Variants in CAPN8 observed in about 807,000 individuals in gnomAD.
CAPN8 encodes the protein calpain-8.
CAPN8 carries 87 observed loss-of-function variants against 80.9 expected under a neutral mutation model. The observed-to-expected ratio is 1.07, with a 90% confidence interval of 0.90 to 1.28. The LOEUF (loss-of-function observed/expected upper bound fraction) is 1.28. Ranked by LOEUF, CAPN8 falls within the 50% of genes most tolerant of loss-of-function variation. CAPN8 has a pLI of 0.00. For synonymous variants in CAPN8, 299 were observed against 273.8 expected (o/e 1.09, Z -0.91); for missense variants, 757 against 702.0 (o/e 1.08, Z -0.89).
intron 4 of CAPN8, among the ~76,000 whole-genome samples, chr1:223,627,545 A>G (rs753196268): frequency 6.6e-6 from 1 of 152,246 alleles, no homozygotes; most frequent in Non-Finnish European, 1.5e-5. Flanking sequence ...GGGGTTGCAG[A>G]AAAGGGTATC....
rs144533349 is a variant in CAPN8 at position 223,637,586 on chromosome 1, G to A, written c.308-8806C>T. Among the ~76,000 whole-genome samples, 11 of 152,214 alleles carry A rather than the reference G, an allele frequency of 7.2e-5. No homozygotes were observed. In the East Asian group the frequency reaches 1.9e-3, roughly 27 times the overall value. ...GTTCCCGTCCTCTTAGAATCACTTA[G>A]TAAATCTCCCCCATCTTGCACCAGC... is the stretch of plus-strand genomic sequence containing the variant. On this transcript the variant is annotated intron_variant, in intron 2 of 20. Coordinates refer to ENST00000366872, the MANE Select transcript of CAPN8 (RefSeq NM_001143962.2).
chr1:223,542,966 GC>G (rs1404191115), intron 20 of CAPN8, 141 bp downstream of exon 20: 30 of 800,538 alleles, frequency 3.7e-5, no homozygotes, highest in Non-Finnish European at 5.7e-5. Flanking sequence ...CTTCCTCCCT[GC>G]TGGGTGCCTG....
intron 14 of CAPN8, among the ~76,000 whole-genome samples, chr1:223,552,004 C>T (rs1221930491): frequency 1.3e-5 from 2 of 152,234 alleles, no homozygotes; most frequent in Non-Finnish European, 1.5e-5. Context: ...CATCCCTTAA[C>T]TCTCAGATGG....
At chr1:223,623,766 T>C (rs900094492) in intron 6 of CAPN8, among the ~76,000 whole-genome samples, 14 of 151,970 alleles carry the variant, frequency 9.2e-5, no homozygotes, top group African/African-American at 3.4e-4. Flanking sequence ...GAGGCCGAGG[T>C]GGGCAGATCA....
chr1:223,643,864 TG>T (rs1171132805), intron 2 of CAPN8, among the ~76,000 whole-genome samples: 8 of 152,160 alleles, frequency 5.3e-5, no homozygotes, highest in Non-Finnish European at 8.8e-5. Flanking sequence ...CGTCCTAACC[TG>T]CTTGCCGATC....
intron 2 of CAPN8, among the ~76,000 whole-genome samples, chr1:223,637,447 T>C (rs771991471): frequency 5.3e-5 from 8 of 152,250 alleles, no homozygotes; most frequent in Admixed American, 3.9e-4. Context: ...CTGATTCCCA[T>C]CACCATCCAG....
chr1:223,622,545 A>G (rs950830503), intron 7 of CAPN8: 14 of 507,834 alleles, frequency 2.8e-5, no homozygotes, highest in African/African-American at 2.5e-4. Flanking sequence ...AAAACACAAA[A>G]ACCTTTCAGC....
chr1:223,541,729 C>T lies in CAPN8; in HGVS notation c.*107G>A. The T allele has an allele frequency of 6.6e-7, 1 of 1,518,258 alleles. No individual in the cohort carries two copies. The allele number at this position is 1,518,258 out of a possible 1,614,324, so 94.0% of individuals were successfully genotyped here. A position where few individuals can be genotyped will look rare whatever the true frequency, so the allele number is the denominator to read the frequency against. On this transcript the variant is annotated 3_prime_UTR_variant, in exon 21 of 21. Transcript: ENST00000366872. ...AGACCCAGGGCAAGAAAGGTATGAA[C>T]AACCAGTGAATGCCACTGGAGCATA...
Position 223,665,539 on chromosome 1 carries a change from C to T in CAPN8, c.108G>A (p.Arg36=), listed in dbSNP as rs1345388845. The part of the protein sequence containing the change: ...KYLGQDFKTL[R]QQCLDSGVLF... ...GGACCCCTGAGTCCAAGCACTGTTG[C>T]CTCAGGGTCTTGAAATCCTGGCCCA... The change falls in exon 1 of 21, where the codon AGG becomes AGA. Residue 36 remains arginine (R), a synonymous_variant. Transcript: ENST00000366872. 2 of 1,551,592 alleles carry T rather than the reference C, an allele frequency of 1.3e-6. No homozygotes were observed. The highest frequency in any genetic ancestry group is 2.0e-5 in the Admixed American group (1 of 50,986).
intron 1 of CAPN8, among the ~76,000 whole-genome samples, 164 bp from the exon 2 acceptor site, chr1:223,654,563 G>A (rs887110815): frequency 6.6e-6 from 1 of 152,234 alleles, no homozygotes; most frequent in South Asian, 2.1e-4. Context: ...GCCCAGAGAG[G>A]GGATGAGCCC....
intron 14 of CAPN8, among the ~76,000 whole-genome samples, chr1:223,551,534 T>A (rs1229724494): frequency 6.6e-6 from 1 of 152,198 alleles, no homozygotes; most frequent in Non-Finnish European, 1.5e-5. Flanking sequence ...GGTGTGTTAG[T>A]GCCATGAGTG....
intron 13 of CAPN8, among the ~76,000 whole-genome samples, chr1:223,556,060 A>C (rs1656900624): frequency 6.6e-6 from 1 of 152,226 alleles, no homozygotes; most frequent in African/African-American, 2.4e-5. Context: ...ATTATATCAC[A>C]TGTTGGGAAT....
rs181859676 is a variant in CAPN8, at chr1:223,642,423, G to A, written c.307+11907C>T. Among the ~76,000 whole-genome samples, 11 of 152,134 alleles carry A rather than the reference G, an allele frequency of 7.2e-5. No homozygotes were observed. In the East Asian group the frequency reaches 1.3e-3, roughly 19 times the overall value. On this transcript the variant is annotated intron_variant, in intron 2 of 20. Coordinates refer to ENST00000366872, the MANE Select transcript of CAPN8 (RefSeq NM_001143962.2). ...TTCTGCTGCCCCCCATAGGTTTCCC[G>A]GCACCTCCACTCCTGGTTCCCATGA...
At position 223,544,924 on chromosome 1, in the gene CAPN8, AC is replaced by A. The variant is rs1656579223; in HGVS notation, c.1834-75del. 3.9e-6 allele frequency: 6 copies of A among 1,546,848 alleles called. No individual in the cohort carries two copies. The East Asian group carries it at 1.5e-4, about 38-fold the overall frequency. On this transcript the variant is annotated intron_variant, in intron 17 of 20. Coordinates refer to ENST00000366872, the MANE Select transcript of CAPN8 (RefSeq NM_001143962.2). ...TGCCAGAACCATCTCCCTCCACCAC[AC>A]TGCTTTCTCAAAAGGCCAGGGACAC...
At chr1:223,657,627 C>A (rs1262254112) in intron 1 of CAPN8, among the ~76,000 whole-genome samples, 2 of 152,018 alleles carry the variant, frequency 1.3e-5, no homozygotes, top group Non-Finnish European at 2.9e-5. Context: ...ATTAGCCAGG[C>A]GTGGTGGTGA....
chr1:223,631,112 A>G (rs72747938), intron 2 of CAPN8, among the ~76,000 whole-genome samples: 7,107 of 152,178 alleles, frequency 0.047, 232 homozygotes, highest in Middle Eastern at 0.082. Context: ...TCGAACTTGG[A>G]TATGTACAAA....
intron 10 of CAPN8, among the ~76,000 whole-genome samples, chr1:223,614,264 G>T (rs550003070): frequency 5.5e-4 from 84 of 152,282 alleles, no homozygotes; most frequent in Non-Finnish European, 9.0e-4. Flanking sequence ...GCCAGATGTG[G>T]TGGCACGCAC....
intron 14 of CAPN8, among the ~76,000 whole-genome samples, chr1:223,551,850 T>A (rs1370464673): frequency 3.3e-5 from 5 of 152,220 alleles, no homozygotes; most frequent in Admixed American, 3.3e-4. Flanking sequence ...CTAAGGTTGG[T>A]TCACCCCAAA....
chr1:223,621,097 G>T (rs1405483974), intron 7 of CAPN8, among the ~76,000 whole-genome samples: 1 of 152,112 alleles, frequency 6.6e-6, no homozygotes, highest in Admixed American at 6.5e-5. Context: ...CCGGGGGTCA[G>T]CACGACAATT....
Sources: gnomAD v4.1 joint callset for allele counts (sites outside exome capture counted in the v4.1 genomes callset) on GRCh38, gnomAD v4.1.1 for gene constraint, MANE v1.5 for transcripts, NCBI Gene and HGNC (gene_info 2026-07-23, HGNC 2026-07-21) for gene names.